RBFOX1: variants seen among roughly 807,000 people sequenced by gnomAD.
RBFOX1 encodes RNA binding fox-1 homolog 1.
A neutral mutation model predicts 57.7 loss-of-function variants in RBFOX1; 8 were observed. The observed-to-expected ratio is 0.14, with a 90% confidence interval of 0.08 to 0.25. The LOEUF (loss-of-function observed/expected upper bound fraction) is 0.25, where lower values mean the gene tolerates loss of function less well. RBFOX1 is among the 10% of genes least tolerant of loss of function. The pLI is 1.00. For missense variants in RBFOX1, 611 were observed against 548.5 expected (o/e 1.11, Z -1.14); for synonymous variants, 326 against 222.4 (o/e 1.47, Z -4.15).
At chr16:7,096,596 A>T (rs559818190) in intron 4 of RBFOX1, among the ~76,000 whole-genome samples, 1 of 152,052 alleles carries the variant, frequency 6.6e-6, no homozygotes, top group South Asian at 2.1e-4. Flanking sequence ...CCCTGTGTAA[A>T]ATATTTGCTG....
chr16:7,519,238 C>T (rs1472684771), intron 5 of RBFOX1, among the ~76,000 whole-genome samples: 1 of 152,100 alleles, frequency 6.6e-6, no homozygotes, highest in South Asian at 2.1e-4. Flanking sequence ...CTCTGAACCT[C>T]GCTTCTTTAC....
At chr16:5,243,090 A>G (rs924606659) in intron 1 of RBFOX1, among the ~76,000 whole-genome samples, 1 of 152,118 alleles carries the variant, frequency 6.6e-6, no homozygotes, top group Admixed American at 6.5e-5. Context: ...GAGAAGGCCT[A>G]GAAAACCTAG....
intron 3 of RBFOX1, among the ~76,000 whole-genome samples, chr16:6,756,066 C>A (rs143217862): frequency 2.0e-5 from 3 of 152,166 alleles, no homozygotes; most frequent in African/African-American, 7.2e-5. Context: ...GGAGTGACCA[C>A]ATTGGCAGCA....
At chr16:6,188,754 CA>C (rs2097123692) in intron 1 of RBFOX1, among the ~76,000 whole-genome samples, 1 of 152,204 alleles carries the variant, frequency 6.6e-6, no homozygotes, top group Non-Finnish European at 1.5e-5. Flanking sequence ...GCACCTGTAT[CA>C]GTGTCATCTT....
chr16:7,579,497 G>A (rs1000225564), intron 5 of RBFOX1, among the ~76,000 whole-genome samples: 5 of 152,010 alleles, frequency 3.3e-5, no homozygotes, highest in Non-Finnish European at 7.4e-5. Context: ...TCTATCTATG[G>A]ATTTATTGTC....
At chr16:6,699,610 C>T (rs915643839) in intron 3 of RBFOX1, among the ~76,000 whole-genome samples, 23 of 152,134 alleles carry the variant, frequency 1.5e-4, no homozygotes, top group Non-Finnish European at 2.6e-4. Flanking sequence ...AACTGTACGA[C>T]GGGAAGAGTG....
rs545498651 is a variant in RBFOX1 at position 7,484,003 on chromosome 16, C to A, written c.28-34144C>A. Among the ~76,000 whole-genome samples, 4 of 152,012 alleles carry A rather than the reference C, an allele frequency of 2.6e-5. No homozygotes were observed. The East Asian group carries it at 5.8e-4, about 22-fold the overall frequency. On this transcript the variant is annotated intron_variant, in intron 4 of 15. Coordinates refer to ENST00000550418, the MANE Select transcript of RBFOX1 (RefSeq NM_018723.4). The stretch of plus-strand genomic sequence containing the variant: ...ACGCTTTATTTTCAGTCTATTCTGC[C>A]CCCCCATTCCCTAACCCCTGGCAAG...
chr16:6,429,282 C>G (rs576475584), intron 2 of RBFOX1, among the ~76,000 whole-genome samples: 2 of 152,216 alleles, frequency 1.3e-5, no homozygotes, highest in South Asian at 4.1e-4. Context: ...TGGCATCAGC[C>G]GTGCACACGG....
intron 12 of RBFOX1, among the ~76,000 whole-genome samples, chr16:7,661,550 C>A (rs2067728906): frequency 6.6e-6 from 1 of 152,230 alleles, no homozygotes. Context: ...TTCCGTTCCA[C>A]ATTCAGGGCA....
intron 2 of RBFOX1, among the ~76,000 whole-genome samples, chr16:6,436,979 C>G (rs949552688): frequency 2.0e-5 from 3 of 152,162 alleles, no homozygotes; most frequent in Admixed American, 2.0e-4. Context: ...TCCGAGATGT[C>G]TATTTTTGAC....
intron 1 of RBFOX1, among the ~76,000 whole-genome samples, chr16:5,427,517 G>A (rs2067598124): frequency 6.6e-6 from 1 of 152,126 alleles, no homozygotes; most frequent in Admixed American, 6.6e-5. Flanking sequence ...CCTAGGAGGT[G>A]GAGGTTGCAG....
chr16:5,434,482 C>T (rs905974363), intron 1 of RBFOX1, among the ~76,000 whole-genome samples: 1 of 151,720 alleles, frequency 6.6e-6, no homozygotes, highest in African/African-American at 2.4e-5. Flanking sequence ...CCACCATGCC[C>T]AGCTAATTTT....
intron 2 of RBFOX1, among the ~76,000 whole-genome samples, chr16:6,500,183 G>A (rs142282168): frequency 5.3e-5 from 8 of 152,214 alleles, no homozygotes; most frequent in African/African-American, 1.9e-4. Flanking sequence ...TAAATACCTG[G>A]TCATCATGCT....
intron 3 of RBFOX1, among the ~76,000 whole-genome samples, chr16:6,917,608 C>T (rs562122515): frequency 2.0e-5 from 3 of 151,522 alleles, no homozygotes; most frequent in South Asian, 2.1e-4. Flanking sequence ...CACCGGCTCC[C>T]TTCCTGCCTT....
At chr16:5,862,963 C>T (rs372053394) in intron 3 of RBFOX1, among the ~76,000 whole-genome samples, 4 of 152,054 alleles carry the variant, frequency 2.6e-5, no homozygotes, top group Non-Finnish European at 4.4e-5. Context: ...TAACTCAGTC[C>T]GGACATCTCC....
chr16:6,997,940 T>C (rs1218421551), intron 3 of RBFOX1, among the ~76,000 whole-genome samples: 1 of 152,102 alleles, frequency 6.6e-6, no homozygotes, highest in Non-Finnish European at 1.5e-5. Flanking sequence ...CTCATGTCTA[T>C]TTTAATATTA....
At chr16:7,690,534 G>A (rs773350323) in intron 14 of RBFOX1, among the ~76,000 whole-genome samples, 1 of 152,152 alleles carries the variant, frequency 6.6e-6, no homozygotes, top group Non-Finnish European at 1.5e-5. Context: ...GCATTTTGAA[G>A]TTTAAATTCA....
At chr16:5,859,610 C>G (rs777760691) in intron 3 of RBFOX1, among the ~76,000 whole-genome samples, 12 of 152,154 alleles carry the variant, frequency 7.9e-5, no homozygotes, top group Non-Finnish European at 1.8e-4. Flanking sequence ...CAAAGAACAG[C>G]ATAGGTGCCC....
intron 4 of RBFOX1, among the ~76,000 whole-genome samples, chr16:7,346,216 C>G (rs1251622201): frequency 5.3e-5 from 8 of 152,048 alleles, no homozygotes; most frequent in African/African-American, 2.4e-5. Flanking sequence ...TTTTCTTAAT[C>G]CAGTCTGTCA....
Sources: allele counts gnomAD v4.1 joint callset (sites outside exome capture counted in the v4.1 genomes callset), GRCh38; gene constraint gnomAD v4.1.1; transcripts MANE v1.5; gene names NCBI Gene and HGNC (gene_info 2026-07-23, HGNC 2026-07-21).